The following AFF2 variants were observed in gnomAD, a reference collection of about 807,000 sequenced individuals.
AFF2 encodes the protein ALF transcription elongation factor 2, also known as AF4/FMR2 family member 2.
AFF2 carries 14 observed loss-of-function variants against 76.9 expected under a neutral mutation model. The observed-to-expected ratio is 0.18, with a 90% CI of 0.12 to 0.28. The LOEUF is 0.28. AFF2 is among the 10% of genes least tolerant of loss of function. The pLI is 1.00. For synonymous variants in AFF2, 398 were observed against 366.7 expected (o/e 1.09, Z -0.98); for missense variants, 868 against 1,001.1 (o/e 0.87, Z 1.79).
At chrX:148,805,407 C>T (rs1263202754) in intron 3 of AFF2, among the ~76,000 whole-genome samples, 1 of 111,096 alleles carries the variant, frequency 9.0e-6, no homozygotes, top group Non-Finnish European at 1.9e-5. Context: ...TAATAATATA[C>T]TCAGAGGCAT....
chrX:148,866,213 C>T (rs964373830), intron 7 of AFF2, among the ~76,000 whole-genome samples: 29 of 112,109 alleles, frequency 2.6e-4, no homozygotes, highest in African/African-American at 8.4e-4. Flanking sequence ...AAGCTGTCAA[C>T]TTAGTAAGAT....
intron 3 of AFF2, among the ~76,000 whole-genome samples, chrX:148,667,339 G>A (rs781954392): frequency 5.2e-4 from 58 of 112,178 alleles, no homozygotes; most frequent in African/African-American, 1.7e-3. Context: ...GAGAACTGCA[G>A]AGAATGCTAG....
intron 4 of AFF2, among the ~76,000 whole-genome samples, chrX:148,834,868 G>T (rs1437839418): frequency 8.9e-6 from 1 of 112,099 alleles, no homozygotes; most frequent in Non-Finnish European, 1.9e-5. Context: ...AAAGTCCTTT[G>T]AGGAAGATAT....
chrX:148,943,515 T>C (rs1225414290), intron 9 of AFF2, among the ~76,000 whole-genome samples: 1 of 112,339 alleles, frequency 8.9e-6, no homozygotes, highest in Non-Finnish European at 1.9e-5. Context: ...TAGTCGATGG[T>C]CACAGTAGCC....
At chrX:148,574,155 A>T (rs928494478) in intron 1 of AFF2, among the ~76,000 whole-genome samples, 1 of 111,220 alleles carries the variant, frequency 9.0e-6, no homozygotes, top group Non-Finnish European at 1.9e-5. Flanking sequence ...TAACAACTAA[A>T]TTTTTTTTAT....
intron 1 of AFF2, among the ~76,000 whole-genome samples, chrX:148,585,179 G>A (rs2053454673): frequency 9.0e-6 from 1 of 111,352 alleles, no homozygotes. Flanking sequence ...GAGGGCACAT[G>A]GGTAGGTGAA....
chrX:148,717,552 A>G (rs782171713), intron 3 of AFF2, among the ~76,000 whole-genome samples: 38 of 112,032 alleles, frequency 3.4e-4, no homozygotes, highest in African/African-American at 1.2e-3. Flanking sequence ...TTGGTGTTTA[A>G]TTTTATGTCT....
intron 9 of AFF2, among the ~76,000 whole-genome samples, chrX:148,938,192 T>C (rs1318025926): frequency 8.9e-6 from 1 of 112,123 alleles, no homozygotes; most frequent in Non-Finnish European, 1.9e-5. Context: ...TTGTAGACAA[T>C]TGAATTAATT....
intron 19 of AFF2, among the ~76,000 whole-genome samples, chrX:148,983,087 T>C: frequency 8.9e-6 from 1 of 112,024 alleles, no homozygotes; most frequent in Non-Finnish European, 1.9e-5. Flanking sequence ...TTTCGCAAAC[T>C]ATTCAGAGCT....
intron 7 of AFF2, among the ~76,000 whole-genome samples, chrX:148,871,341 GC>G (rs1342439816): frequency 1.8e-5 from 2 of 111,073 alleles, no homozygotes; most frequent in East Asian, 5.7e-4. Flanking sequence ...AAATCAATTA[GC>G]CAGTGAAGGA....
intron 3 of AFF2, among the ~76,000 whole-genome samples, chrX:148,669,447 C>A (rs1369659252): frequency 8.9e-6 from 1 of 111,971 alleles, no homozygotes; most frequent in Non-Finnish European, 1.9e-5. Context: ...TGAGACTGGG[C>A]AGTTTACAAA....
intron 1 of AFF2, among the ~76,000 whole-genome samples, chrX:148,616,722 C>A (rs183409471): frequency 9.1e-5 from 10 of 109,374 alleles, no homozygotes; most frequent in East Asian, 5.8e-4. Flanking sequence ...ATCCCTCCCC[C>A]CTTCCCCCAC....
At chrX:148,732,306 C>A (rs1467557563) in intron 3 of AFF2, among the ~76,000 whole-genome samples, 1 of 98,737 alleles carries the variant, frequency 1.0e-5, no homozygotes, top group African/African-American at 3.8e-5. Context: ...CCATCATTCT[C>A]AGTAAACTAT....
chrX:148,556,406 T>C (rs2124298174), intron 1 of AFF2, among the ~76,000 whole-genome samples: 1 of 112,036 alleles, frequency 8.9e-6, no homozygotes, highest in South Asian at 3.7e-4. Flanking sequence ...ATATCAGCAT[T>C]TTTGTTTTTA....
chrX:148,932,682 C>G (rs989082546), intron 9 of AFF2, among the ~76,000 whole-genome samples: 1 of 112,330 alleles, frequency 8.9e-6, no homozygotes, highest in Non-Finnish European at 1.9e-5. Context: ...CTCAACCCCC[C>G]TACCACTGAG....
intron 1 of AFF2, among the ~76,000 whole-genome samples, chrX:148,506,703 C>A (rs892631506): frequency 9.0e-6 from 1 of 111,157 alleles, no homozygotes; most frequent in Non-Finnish European, 1.9e-5. Context: ...TATTTTTTGG[C>A]TCATTTGGAG....
intron 7 of AFF2, 55 bp downstream of exon 7, chrX:148,843,488 A>G: frequency 2.0e-6 from 2 of 1,002,753 alleles, no homozygotes; most frequent in South Asian, 1.9e-5. Flanking sequence ...GCAAGGAAAC[A>G]GTGCCTCAAT....
rs1557288782 is a variant in AFF2 at position 148,966,816 on chromosome X, C to G, written c.2940C>G (p.Ser980=). The G allele has an allele frequency of 8.3e-7, 1 of 1,211,159 alleles. No individual in the cohort carries two copies. Among genetic ancestry groups the G allele is most frequent in the East Asian group, 3.0e-5 (1 of 33,838 alleles). ...VNEGDTPKKA[S]SATITVTNTA... ...AGGGAGACACTCCAAAAAAGGCATC[C>G]TCTGCCACCATCACTGTCACCAATA... Residue 980 remains serine, a synonymous_variant, in exon 14 of 21, where the codon TCC becomes TCG. Coordinates refer to ENST00000370460, the MANE Select transcript of AFF2 (RefSeq NM_002025.4).
intron 20 of AFF2, among the ~76,000 whole-genome samples, chrX:148,990,936 A>G (rs1427460841): frequency 3.6e-5 from 4 of 112,510 alleles, no homozygotes; most frequent in African/African-American, 1.3e-4. Flanking sequence ...CCTTTTCTAA[A>G]TATAAATGTA....
Sources: gnomAD v4.1 joint callset for allele counts (sites outside exome capture counted in the v4.1 genomes callset) on GRCh38, gnomAD v4.1.1 for gene constraint, MANE v1.5 for transcripts, NCBI Gene and HGNC (gene_info 2026-07-23, HGNC 2026-07-21) for gene names.